The following CBX1 variants were observed in gnomAD, a reference collection of about 807,000 sequenced individuals.
The protein encoded by CBX1 is chromobox 1.
A neutral mutation model predicts 25.1 loss-of-function variants in CBX1; 10 were observed. That is an observed-to-expected ratio of 0.40 (90% CI 0.25 to 0.68). The LOEUF (loss-of-function observed/expected upper bound fraction) is 0.68, where lower values mean the gene tolerates loss of function less well. Ranked by LOEUF, CBX1 falls within the 30% of genes least tolerant of loss-of-function variation. CBX1 has a pLI of 0.40. For missense variants in CBX1, 106 were observed against 218.5 expected (o/e 0.49, Z 3.25); for synonymous variants, 63 against 79.4 (o/e 0.79, Z 1.10).
intron 1 of CBX1, among the ~76,000 whole-genome samples, chr17:48,079,432 T>C (rs2037710643): frequency 6.6e-6 from 1 of 152,216 alleles, no homozygotes; most frequent in African/African-American, 2.4e-5. Context: ...TATGCAGTCT[T>C]TTCTGAATTG....
At chr17:48,100,792 G>A (rs1567772464) in intron 1 of CBX1, 2 of 985,334 alleles carry the variant, frequency 2.0e-6, no homozygotes, top group Non-Finnish European at 2.4e-6. Context: ...TTCACTCGAC[G>A]TTACTCCTCC....
chr17:48,085,401 A>G (rs1051926776), intron 1 of CBX1, among the ~76,000 whole-genome samples: 2 of 152,194 alleles, frequency 1.3e-5, no homozygotes, highest in African/African-American at 4.8e-5. Flanking sequence ...TAAAACTAGC[A>G]GCTAGCCAAA....
chr17:48,086,186 G>A (rs551124679), intron 1 of CBX1, among the ~76,000 whole-genome samples: 8 of 152,198 alleles, frequency 5.3e-5, no homozygotes, highest in African/African-American at 1.9e-4. Context: ...AATTTTAAGA[G>A]AAAGAGTACT....
At chr17:48,098,867 G>A (rs1490825381) in intron 1 of CBX1, among the ~76,000 whole-genome samples, 1 of 152,114 alleles carries the variant, frequency 6.6e-6, no homozygotes, top group African/African-American at 2.4e-5. Flanking sequence ...TAAACCACTA[G>A]AGGATGCCAA....
At chr17:48,072,293 G>A (rs541686058) in intron 4 of CBX1, among the ~76,000 whole-genome samples, 6 of 152,090 alleles carry the variant, frequency 3.9e-5, no homozygotes, top group Admixed American at 3.3e-4. Context: ...TTACAGGCAT[G>A]AGCCACCTCG....
intron 1 of CBX1, among the ~76,000 whole-genome samples, chr17:48,094,458 C>A (rs562627633): frequency 6.7e-6 from 1 of 149,658 alleles, no homozygotes; most frequent in Admixed American, 6.7e-5. Flanking sequence ...GTGGGCTGGG[C>A]TCTGTGGCCC....
At position 48,081,855 on chromosome 17, in the gene CBX1, A is replaced by C. The variant is rs1291287692; in HGVS notation, c.-37-4814T>G. Among the ~76,000 whole-genome samples the C allele has an allele frequency of 2.6e-5, 4 of 152,166 alleles. No individual in the cohort carries two copies. In the East Asian group the frequency reaches 7.7e-4, roughly 29 times the overall value. On this transcript the variant is annotated intron_variant, in intron 1 of 4. Coordinates refer to ENST00000225603, the MANE Select transcript of CBX1 (RefSeq NM_001127228.2). Reference sequence around the variant, plus strand: ...TACTGGCTCATCCCAGAGCATCTACATCCAGAGATACTGTATTACTGGAGA... The same window carrying C: ...TACTGGCTCATCCCAGAGCATCTACCTCCAGAGATACTGTATTACTGGAGA...
chr17:48,080,567 G>C (rs1416468646), intron 1 of CBX1, among the ~76,000 whole-genome samples: 1 of 151,692 alleles, frequency 6.6e-6, no homozygotes, highest in Non-Finnish European at 1.5e-5. Flanking sequence ...AGCTTACTTA[G>C]TGTAATCATT....
intron 1 of CBX1, among the ~76,000 whole-genome samples, chr17:48,098,091 C>G (rs1375635670): frequency 6.6e-6 from 1 of 151,754 alleles, no homozygotes; most frequent in African/African-American, 2.4e-5. Flanking sequence ...AGAGACTGTC[C>G]CCACAAAAAA....
intron 1 of CBX1, among the ~76,000 whole-genome samples, chr17:48,078,512 G>A (rs1228177658): frequency 2.0e-5 from 3 of 150,838 alleles, no homozygotes; most frequent in Admixed American, 6.6e-5. Context: ...TTTTTGAGAC[G>A]GAGTCTCAAC....
Position 48,071,396 on chromosome 17 carries a change from C to T in CBX1, c.*39G>A, listed in dbSNP as rs2037623564. The T allele has an allele frequency of 6.4e-7, 1 of 1,564,890 alleles. No homozygotes were observed. Among genetic ancestry groups the T allele is most frequent in the Non-Finnish European group, 8.6e-7 (1 of 1,156,312 alleles). On this transcript the variant is annotated 3_prime_UTR_variant, in exon 5 of 5. Coordinates refer to ENST00000225603, the MANE Select transcript of CBX1 (RefSeq NM_001127228.2). ...GAACTCCTTCCCTTCCCACTTGAAA[C>T]CCACAGTCAGATGTGACAGGGGCTG...
chr17:48,074,621 G>C (rs987404135), intron 4 of CBX1, among the ~76,000 whole-genome samples: 5 of 152,178 alleles, frequency 3.3e-5, no homozygotes, highest in Non-Finnish European at 5.9e-5. Context: ...TCCTAACCCT[G>C]AGAATTTAGC....
chr17:48,090,314 TC>T (rs1320769571), intron 1 of CBX1, among the ~76,000 whole-genome samples: 1 of 152,132 alleles, frequency 6.6e-6, no homozygotes, highest in Non-Finnish European at 1.5e-5. Context: ...GATTTCAACC[TC>T]AGTTTTTATT....
intron 1 of CBX1, among the ~76,000 whole-genome samples, chr17:48,099,111 CT>C (rs911923496): frequency 6.6e-6 from 1 of 151,810 alleles, no homozygotes; most frequent in Non-Finnish European, 1.5e-5. Flanking sequence ...TCTATCTTTT[CT>C]TTTTTTTGAG....
At chr17:48,097,285 T>G (rs1465789861) in intron 1 of CBX1, among the ~76,000 whole-genome samples, 1 of 150,928 alleles carries the variant, frequency 6.6e-6, no homozygotes, top group Non-Finnish European at 1.5e-5. Context: ...CACCACATTG[T>G]ACCCCATAAG....
chr17:48,094,253 G>A (rs1393430444), intron 1 of CBX1, among the ~76,000 whole-genome samples: 1 of 151,956 alleles, frequency 6.6e-6, no homozygotes, highest in East Asian at 1.9e-4. Flanking sequence ...GGCTAAGATG[G>A]TGAAACCCCA....
intron 1 of CBX1, among the ~76,000 whole-genome samples, chr17:48,097,600 G>C (rs2063382624): frequency 1.3e-5 from 2 of 149,546 alleles, no homozygotes; most frequent in Admixed American, 6.7e-5. Flanking sequence ...TTTGGCGACA[G>C]AGCGAGACTC....
chr17:48,085,895 C>T (rs1300919197), intron 1 of CBX1, among the ~76,000 whole-genome samples: 2 of 151,996 alleles, frequency 1.3e-5, no homozygotes, highest in African/African-American at 4.8e-5. Context: ...GGCGAAACCT[C>T]GTCTCTACTA....
At chr17:48,091,038 T>C (rs540548386) in intron 1 of CBX1, among the ~76,000 whole-genome samples, 2 of 152,304 alleles carry the variant, frequency 1.3e-5, no homozygotes, top group African/African-American at 4.8e-5. Flanking sequence ...TTCTTTAGAA[T>C]AACATTTAAA....
Sources: gnomAD v4.1 joint callset for allele counts (sites outside exome capture counted in the v4.1 genomes callset) on GRCh38, gnomAD v4.1.1 for gene constraint, MANE v1.5 for transcripts, NCBI Gene and HGNC (gene_info 2026-07-23, HGNC 2026-07-21) for gene names.